The following UBE2G1 variants were observed in gnomAD, a reference collection of about 807,000 sequenced individuals.
UBE2G1 encodes the protein ubiquitin-conjugating enzyme E2 G1.
UBE2G1 carries 5 observed loss-of-function variants against 22.7 expected under a neutral mutation model. The observed-to-expected ratio is 0.22, with a 90% CI of 0.12 to 0.46. The LOEUF is 0.46. Ranked by LOEUF, UBE2G1 falls within the 20% of genes least tolerant of loss-of-function variation. The pLI is 0.99. For synonymous variants in UBE2G1, 74 were observed against 67.5 expected, an observed-to-expected ratio of 1.10 and a Z score of -0.47; for missense variants, 88 against 203.9, an observed-to-expected ratio of 0.43 and a Z score of 3.46.
chr17:4,273,992 A>C (rs1035665286), intron 5 of UBE2G1, among the ~76,000 whole-genome samples: 2 of 148,016 alleles, frequency 1.4e-5, no homozygotes, highest in Non-Finnish European at 3.0e-5. Flanking sequence ...GAACTTACCA[A>C]TTTTTTTTTT....
At chr17:4,332,897 G>A (rs994023625) in intron 1 of UBE2G1, among the ~76,000 whole-genome samples, 6 of 151,990 alleles carry the variant, frequency 3.9e-5, no homozygotes, top group African/African-American at 7.3e-5. Context: ...CTCTTTCCCT[G>A]TTCTAGTTTC....
chr17:4,353,470 C>T (rs1228088268), intron 1 of UBE2G1, among the ~76,000 whole-genome samples: 7 of 151,366 alleles, frequency 4.6e-5, no homozygotes, highest in African/African-American at 1.2e-4. Context: ...TATACACACA[C>T]ACACACACAC....
intron 1 of UBE2G1, among the ~76,000 whole-genome samples, chr17:4,338,330 T>G (rs1366754378): frequency 6.6e-6 from 1 of 152,156 alleles, no homozygotes; most frequent in Non-Finnish European, 1.5e-5. Flanking sequence ...TAAAATATGT[T>G]TCCAGTAAAT....
intron 5 of UBE2G1, among the ~76,000 whole-genome samples, chr17:4,274,927 T>TAGTCCCAGCTACTCGAGAGGCTGAG (rs1555519336): frequency 1.3e-5 from 2 of 151,810 alleles, no homozygotes. Flanking sequence ...GGCACATGCC[T>TAGTCCCAGCTACTCGAGAGGCTGAG]GTGGGAGGAC....
chr17:4,322,693 G>A (rs1296097171), intron 1 of UBE2G1, among the ~76,000 whole-genome samples: 1 of 152,132 alleles, frequency 6.6e-6, no homozygotes, highest in African/African-American at 2.4e-5. Context: ...TGGAAGTAAT[G>A]CATTTATTTA....
rs1224990290 is a variant in UBE2G1 at position 4,270,531 on chromosome 17, CAGAG to C, written c.*2019_*2022del. 7.6e-6 allele frequency: 1 copy of C among 130,740 alleles called. No homozygotes were observed. Among genetic ancestry groups the C allele is most frequent in the Non-Finnish European group, 1.6e-5 (1 of 63,800 alleles). The allele number at this position is 130,740 out of a possible 1,614,324, so 8.1% of individuals were successfully genotyped here. A position where few individuals can be genotyped will look rare whatever the true frequency, so the allele number is the denominator to read the frequency against. ...TGCCACTGCACTCCAGCCTGGGTGA[CAGAG>C]AGACCCAGTTTCTTAAAAAAAAAAA... On this transcript the variant is annotated 3_prime_UTR_variant, in exon 6 of 6. Transcript: ENST00000396981.
At chr17:4,294,186 C>T (rs1219890903) in intron 3 of UBE2G1, among the ~76,000 whole-genome samples, 1 of 152,094 alleles carries the variant, frequency 6.6e-6, no homozygotes, top group African/African-American at 2.4e-5. Context: ...GAGGCTGAGG[C>T]AGACAGATCA....
intron 3 of UBE2G1, among the ~76,000 whole-genome samples, chr17:4,291,157 T>C (rs1013781094): frequency 2.6e-5 from 4 of 152,098 alleles, no homozygotes; most frequent in Admixed American, 2.0e-4. Flanking sequence ...GGTCAGGAGT[T>C]TGAGGCCAGC....
At chr17:4,337,996 C>T (rs1055438154) in intron 1 of UBE2G1, among the ~76,000 whole-genome samples, 1 of 151,724 alleles carries the variant, frequency 6.6e-6, no homozygotes, top group Non-Finnish European at 1.5e-5. Context: ...TGGTGAAAAC[C>T]CATCTCTACT....
chr17:4,314,500 A>G (rs1969345241), intron 1 of UBE2G1, among the ~76,000 whole-genome samples: 1 of 152,222 alleles, frequency 6.6e-6, no homozygotes, highest in African/African-American at 2.4e-5. Flanking sequence ...TCTGAAAACC[A>G]ATTTTAAAAA....
At chr17:4,338,816 C>G (rs1969678966) in intron 1 of UBE2G1, among the ~76,000 whole-genome samples, 1 of 152,178 alleles carries the variant, frequency 6.6e-6, no homozygotes, top group Non-Finnish European at 1.5e-5. Flanking sequence ...GAGCTAGGCT[C>G]TGCTGCAGCA....
intron 1 of UBE2G1, among the ~76,000 whole-genome samples, chr17:4,363,838 G>C (rs1340822633): frequency 6.6e-6 from 1 of 150,626 alleles, no homozygotes. Flanking sequence ...TGTAGTCCCA[G>C]CTACTCGGGA....
chr17:4,339,309 ATTTTT>A (rs1219657452), intron 1 of UBE2G1, among the ~76,000 whole-genome samples: 1 of 142,388 alleles, frequency 7.0e-6, no homozygotes. Context: ...GCGCTTCTCT[ATTTTT>A]TTTTTTTGAG....
chr17:4,294,187 A>G (rs1050697828), intron 3 of UBE2G1, among the ~76,000 whole-genome samples: 3 of 152,282 alleles, frequency 2.0e-5, no homozygotes, highest in African/African-American at 7.2e-5. Flanking sequence ...AGGCTGAGGC[A>G]GACAGATCAC....
intron 4 of UBE2G1, among the ~76,000 whole-genome samples, chr17:4,288,634 G>A (rs555595551): frequency 6.6e-6 from 1 of 152,242 alleles, no homozygotes; most frequent in South Asian, 2.1e-4. Context: ...ATTTTAAGCT[G>A]ATAAAAATCT....
chr17:4,330,628 T>A (rs1368372111), intron 1 of UBE2G1, among the ~76,000 whole-genome samples: 1 of 151,918 alleles, frequency 6.6e-6, no homozygotes, highest in Non-Finnish European at 1.5e-5. Flanking sequence ...TCCCAGCTGC[T>A]TGGGAGGCTG....
In UBE2G1 at chr17:4,270,273, A is replaced by C. The variant is rs1968739856; in HGVS notation, c.*2281T>G. ...CAGATCCCAAGTTTCACCTCAACAG[A>C]TTGCTAGCAGAATTATAGCAATAGG... On this transcript the variant is annotated 3_prime_UTR_variant, in exon 6 of 6. Transcript: ENST00000396981. 6.6e-6 allele frequency: 1 copy of C among 152,640 alleles called. No homozygotes were observed. Among genetic ancestry groups the C allele is most frequent in the South Asian group, 2.1e-4 (1 of 4,836 alleles). 9.5% of individuals were successfully genotyped at this position (152,640 alleles called of 1,614,324 possible). A position where few individuals can be genotyped will look rare whatever the true frequency, so the allele number is the denominator to read the frequency against.
intron 1 of UBE2G1, among the ~76,000 whole-genome samples, chr17:4,324,852 C>T (rs1388717052): frequency 2.0e-5 from 3 of 151,982 alleles, no homozygotes; most frequent in African/African-American, 7.2e-5. Flanking sequence ...CCAAGATGGG[C>T]GGATCACGAG....
intron 5 of UBE2G1, among the ~76,000 whole-genome samples, chr17:4,276,136 T>C (rs1006260867): frequency 2.0e-5 from 3 of 152,090 alleles, no homozygotes; most frequent in African/African-American, 7.2e-5. Flanking sequence ...ACTTCTAACC[T>C]CTATCCTAAC....
Sources: gnomAD v4.1 joint callset for allele counts (sites outside exome capture counted in the v4.1 genomes callset) on GRCh38, gnomAD v4.1.1 for gene constraint, MANE v1.5 for transcripts, NCBI Gene and HGNC (gene_info 2026-07-23, HGNC 2026-07-21) for gene names.